The following EXPH5 variants were observed in gnomAD, a reference collection of about 807,000 sequenced individuals.
EXPH5 encodes exophilin 5.
Under a neutral mutation model 41.1 loss-of-function variants are expected in EXPH5, and 42 were observed. The observed-to-expected ratio is 1.02, with a 90% CI of 0.80 to 1.32. The LOEUF (loss-of-function observed/expected upper bound fraction) is 1.32, where lower values mean the gene tolerates loss of function less well. Ranked by LOEUF, EXPH5 falls within the 40% of genes most tolerant of loss-of-function variation. EXPH5 has a pLI of 0.00. For missense variants in EXPH5, 2,298 were observed against 2,314.5 expected, an observed-to-expected ratio of 0.99 and a Z score of 0.15; for synonymous variants, 798 against 833.5, an observed-to-expected ratio of 0.96 and a Z score of 0.73.
upstream of EXPH5, among the ~76,000 whole-genome samples, chr11:108,595,967 G>A (rs541306132): frequency 5.9e-5 from 9 of 152,164 alleles, no homozygotes; most frequent in East Asian, 5.8e-4. Flanking sequence ...TTTGGGAGGC[G>A]GAGGCGGGCA....
intron 1 of EXPH5, among the ~76,000 whole-genome samples, chr11:108,558,731 C>A (rs1208983557): frequency 1.3e-5 from 2 of 152,150 alleles, no homozygotes; most frequent in Non-Finnish European, 2.9e-5. Context: ...TTTCTAGTAC[C>A]TTCATGCTGC....
rs2093663771 is a variant in EXPH5 at position 108,509,717 on chromosome 11, G to C, written c.5790C>G (p.Pro1930=). 5 of 1,609,838 alleles carry C rather than the reference G, an allele frequency of 3.1e-6. No homozygotes were observed. The African/African-American group carries it at 4.0e-5, about 13-fold the overall frequency. ...GFLKDDLRNP[P]NPSESLSSNS... is the part of the protein sequence containing the mutation. Reference sequence around the variant, plus strand: ...TTGAGCTTAATGACTCTGAGGGGTTGGGAGGGTTCCTCAAATCATCTTTTA... The same window carrying C: ...TTGAGCTTAATGACTCTGAGGGGTTCGGAGGGTTCCTCAAATCATCTTTTA... Residue 1930 remains proline (P), a synonymous_variant, in exon 6 of 6, where the codon CCC becomes CCG. Transcript: ENST00000265843.
intron 4 of EXPH5, among the ~76,000 whole-genome samples, chr11:108,527,197 G>A (rs957978348): frequency 7.9e-5 from 12 of 152,092 alleles, no homozygotes; most frequent in Non-Finnish European, 2.9e-5. Context: ...GTGAGGGCCT[G>A]CAATCCCAGC....
In EXPH5 at chr11:108,514,716, T is replaced by C. The variant is rs761223936; in HGVS notation, c.791A>G (p.Asn264Ser). 13 of 1,608,560 alleles carry C rather than the reference T, an allele frequency of 8.1e-6. No individual in the cohort carries two copies. In the South Asian group the frequency reaches 1.2e-4, roughly 15 times the overall value. ...ATAGATAGACATATTGGAAGTTTCA[T>C]TATAGTGTTTTTTGTGCCTTTCTGT... ...NITERHKKHY[N>S]ETSNMSIYDI... Residue 264 changes from asparagine (N) to serine (S), a missense_variant, in exon 6 of 6, where the codon AAT (asparagine) becomes AGT (serine). Asn to Ser is a conservative substitution (Grantham distance 46). Coordinates refer to ENST00000265843, the MANE Select transcript of EXPH5 (RefSeq NM_015065.3).
intron 1 of EXPH5, among the ~76,000 whole-genome samples, chr11:108,565,622 A>G (rs1254077671): frequency 6.6e-6 from 1 of 152,204 alleles, no homozygotes; most frequent in East Asian, 1.9e-4. Context: ...GTAGCATAAA[A>G]TCACTGTCCG....
rs922326323 is a variant in EXPH5 at position 108,593,715 on chromosome 11, G to C, written c.-179C>G. 31 of 1,540,020 alleles carry C rather than the reference G, an allele frequency of 2.0e-5. No individual in the cohort carries two copies. In the African/African-American group the frequency reaches 3.7e-4, roughly 18 times the overall value. On this transcript the variant is annotated 5_prime_UTR_variant, in exon 1 of 6. Coordinates refer to ENST00000265843, the MANE Select transcript of EXPH5 (RefSeq NM_015065.3). ...CGCCCACACCTGAAGGGCTCATATTGACAATACCTTAATGACATGTTTCTC... is the reference window on the plus strand; with the variant it reads ...CGCCCACACCTGAAGGGCTCATATTCACAATACCTTAATGACATGTTTCTC...
intron 2 of EXPH5, among the ~76,000 whole-genome samples, chr11:108,541,165 A>G (rs1182702092): frequency 5.9e-5 from 9 of 152,258 alleles, no homozygotes; most frequent in African/African-American, 2.2e-4. Context: ...TCTGCCTCCC[A>G]AAGTGCTGGG....
intron 4 of EXPH5, 27 bp downstream of exon 4, chr11:108,528,109 G>C: frequency 6.5e-7 from 1 of 1,530,836 alleles, no homozygotes. Context: ...ATTTCTTAGA[G>C]TAACCTGTAG....
intron 1 of EXPH5, among the ~76,000 whole-genome samples, chr11:108,546,645 A>G (rs1162109293): frequency 6.6e-6 from 1 of 152,212 alleles, no homozygotes; most frequent in African/African-American, 2.4e-5. Flanking sequence ...TAACACCTTT[A>G]ACATCACTCA....
chr11:108,546,165 G>C (rs754958422), intron 1 of EXPH5, among the ~76,000 whole-genome samples: 50 of 151,844 alleles, frequency 3.3e-4, no homozygotes, highest in Non-Finnish European at 5.6e-4. Context: ...GAGATGGAGA[G>C]AAAGCCCAAG....
At chr11:108,587,949 C>T (rs1296725562) in intron 1 of EXPH5, among the ~76,000 whole-genome samples, 2 of 152,114 alleles carry the variant, frequency 1.3e-5, no homozygotes, top group Non-Finnish European at 1.5e-5. Context: ...GATGGGGTTT[C>T]ACCGTGTTGG....
chr11:108,584,882 A>G (rs1462937419), intron 1 of EXPH5, among the ~76,000 whole-genome samples: 1 of 152,240 alleles, frequency 6.6e-6, no homozygotes, highest in Non-Finnish European at 1.5e-5. Context: ...CATGATTCAT[A>G]AAAGAAAAAA....
At chr11:108,593,785 G>C, upstream of EXPH5, 1 of 1,532,586 alleles carries the variant, frequency 6.5e-7, no homozygotes. Flanking sequence ...TAAAGGGAGA[G>C]AGGGAACCAA....
intron 1 of EXPH5, among the ~76,000 whole-genome samples, chr11:108,550,355 C>A (rs1392539156): frequency 6.6e-6 from 1 of 152,204 alleles, no homozygotes; most frequent in Non-Finnish European, 1.5e-5. Context: ...CTTAGACCAT[C>A]CAGACCCAGC....
At chr11:108,570,216 T>C (rs1019189175) in intron 1 of EXPH5, among the ~76,000 whole-genome samples, 10 of 104,540 alleles carry the variant, frequency 9.6e-5, no homozygotes, top group Non-Finnish European at 2.0e-4. Flanking sequence ...GAGAACAGAA[T>C]AGCATTTTTA....
At chr11:108,573,795 C>T (rs1364032931) in intron 1 of EXPH5, among the ~76,000 whole-genome samples, 1 of 152,156 alleles carries the variant, frequency 6.6e-6, no homozygotes, top group African/African-American at 2.4e-5. Flanking sequence ...GTATTCTCAT[C>T]TTAAAAACAA....
the EXPH5 span, among the ~76,000 whole-genome samples, chr11:108,606,835 A>G: frequency 9.2e-5 from 14 of 152,196 alleles, 1 homozygote; most frequent in South Asian, 2.9e-3. Flanking sequence ...TATCTTAATT[A>G]CAATCTGGTC....
At chr11:108,542,747 C>A (rs1565811042) in intron 1 of EXPH5, among the ~76,000 whole-genome samples, 1 of 152,080 alleles carries the variant, frequency 6.6e-6, no homozygotes, top group Non-Finnish European at 1.5e-5. Flanking sequence ...GAGACAGAGT[C>A]TCTCTCTGTC....
intron 1 of EXPH5, among the ~76,000 whole-genome samples, chr11:108,555,760 C>G (rs1344320209): frequency 6.6e-6 from 1 of 152,166 alleles, no homozygotes; most frequent in Admixed American, 6.5e-5. Context: ...TCTCACTTCA[C>G]TCGGCACTTC....
Sources: allele counts gnomAD v4.1 joint callset (sites outside exome capture counted in the v4.1 genomes callset), GRCh38; gene constraint gnomAD v4.1.1; transcripts MANE v1.5; gene names NCBI Gene and HGNC (gene_info 2026-07-23, HGNC 2026-07-21).